Variants in SEMA5A observed in about 807,000 individuals in gnomAD.
SEMA5A encodes the protein semaphorin-5A.
SEMA5A carries 55 observed loss-of-function variants against 135.5 expected under a neutral mutation model. The observed-to-expected ratio is 0.41, with a 90% CI of 0.33 to 0.51. SEMA5A has a LOEUF of 0.51. Among genes scored for constraint, SEMA5A ranks in the 20% least tolerant of loss-of-function variants. SEMA5A has a pLI of 0.37. For synonymous variants in SEMA5A, 580 were observed against 546.5 expected, an observed-to-expected ratio of 1.06 and a Z score of -0.85; for missense variants, 1,290 against 1,419.9, an observed-to-expected ratio of 0.91 and a Z score of 1.47.
intron 2 of SEMA5A, among the ~76,000 whole-genome samples, chr5:9,383,739 A>G (rs1755713339): frequency 1.3e-5 from 2 of 152,240 alleles, no homozygotes; most frequent in African/African-American, 4.8e-5. Context: ...GAAGGGCATC[A>G]TCCAGACCTG....
chr5:9,381,963 TGTGTGTGTGTGTGTGTGTGCGCGCGC>T (rs1424124765), intron 2 of SEMA5A, among the ~76,000 whole-genome samples: 1 of 127,522 alleles, frequency 7.8e-6, no homozygotes, highest in Non-Finnish European at 1.7e-5. Flanking sequence ...TGTGTGTGTG[TGTGTGTGTGTGTGTGTGTGCGCGCGC>T]GCGCACATCA....
chr5:9,302,751 G>A (rs1228755559), intron 5 of SEMA5A, among the ~76,000 whole-genome samples: 5 of 152,122 alleles, frequency 3.3e-5, no homozygotes, highest in Non-Finnish European at 7.3e-5. Context: ...CTCTGCTGAC[G>A]GTGAGAAAGA....
At chr5:9,108,000 C>T in intron 16 of SEMA5A, 140 bp downstream of exon 16, 2 of 1,091,768 alleles carry the variant, frequency 1.8e-6, no homozygotes, top group Non-Finnish European at 2.6e-6. Flanking sequence ...TGCAGTGTAC[C>T]AAATTTGTGC....
intron 1 of SEMA5A, among the ~76,000 whole-genome samples, chr5:9,494,445 C>T (rs1272712678): frequency 2.6e-5 from 4 of 152,136 alleles, no homozygotes; most frequent in African/African-American, 4.8e-5. Flanking sequence ...AGAGTCTATT[C>T]AGGACACATA....
intron 2 of SEMA5A, among the ~76,000 whole-genome samples, chr5:9,383,191 G>T (rs1359560228): frequency 6.6e-6 from 1 of 152,222 alleles, no homozygotes; most frequent in African/African-American, 2.4e-5. Context: ...ACTGGTGTCT[G>T]CTTTAGAACT....
At chr5:9,123,133 A>G (rs3777254) in intron 13 of SEMA5A, among the ~76,000 whole-genome samples, 17,392 of 151,266 alleles carry the variant, frequency 0.11, 1,539 homozygotes, top group East Asian at 0.29. Context: ...GGGTGCCTGT[A>G]GTCCCAGCTA....
intron 1 of SEMA5A, among the ~76,000 whole-genome samples, chr5:9,532,425 CCA>C (rs1737499770): frequency 6.7e-6 from 1 of 149,860 alleles, no homozygotes; most frequent in Non-Finnish European, 1.5e-5. Context: ...GCCACCATGC[CCA>C]GTTAATTTTT....
At chr5:9,464,703 G>T (rs191772824) in intron 1 of SEMA5A, among the ~76,000 whole-genome samples, 4 of 151,848 alleles carry the variant, frequency 2.6e-5, no homozygotes, top group Admixed American at 2.6e-4. Context: ...TGGCATGGAA[G>T]CTTGTAGACC....
At chr5:9,405,118 T>A (rs1289671987) in intron 2 of SEMA5A, among the ~76,000 whole-genome samples, 1 of 152,236 alleles carries the variant, frequency 6.6e-6, no homozygotes, top group Non-Finnish European at 1.5e-5. Context: ...GAACGTTTTC[T>A]GAGACCGTGT....
intron 3 of SEMA5A, among the ~76,000 whole-genome samples, chr5:9,356,652 A>C (rs1267965136): frequency 6.6e-6 from 1 of 152,162 alleles, no homozygotes; most frequent in Non-Finnish European, 1.5e-5. Context: ...TTAGGCACTC[A>C]AGCCAGCATG....
chr5:9,044,644 A>G (rs1736151070), intron 21 of SEMA5A, 60 bp from the exon 22 acceptor site: 6 of 1,392,276 alleles, frequency 4.3e-6, no homozygotes, highest in Non-Finnish European at 3.1e-6. Flanking sequence ...CTAGCTACTC[A>G]AAGCACTAGG....
chr5:9,218,633 G>A (rs994344114), intron 8 of SEMA5A, among the ~76,000 whole-genome samples: 1 of 152,038 alleles, frequency 6.6e-6, no homozygotes, highest in African/African-American at 2.4e-5. Flanking sequence ...ACACAAAAAT[G>A]TTGCAAAAAA....
intron 11 of SEMA5A, among the ~76,000 whole-genome samples, chr5:9,158,906 A>G (rs1743099487): frequency 6.6e-6 from 1 of 152,130 alleles, no homozygotes; most frequent in Non-Finnish European, 1.5e-5. Flanking sequence ...AAGAGAAGGG[A>G]TGTTATATTC....
chr5:9,271,109 A>G (rs1206818729), intron 5 of SEMA5A, among the ~76,000 whole-genome samples: 3 of 152,028 alleles, frequency 2.0e-5, no homozygotes, highest in Non-Finnish European at 2.9e-5. Flanking sequence ...GATTTCCCCC[A>G]TGCTGTTCTC....
At chr5:9,486,200 C>T (rs1214564290) in intron 1 of SEMA5A, among the ~76,000 whole-genome samples, 1 of 152,178 alleles carries the variant, frequency 6.6e-6, no homozygotes, top group East Asian at 1.9e-4. Flanking sequence ...TGTTCTTACT[C>T]ATAAGTGGGA....
intron 16 of SEMA5A, among the ~76,000 whole-genome samples, chr5:9,069,652 A>G: frequency 6.6e-6 from 1 of 152,302 alleles, no homozygotes; most frequent in African/African-American, 2.4e-5. Flanking sequence ...TTTTAACAGA[A>G]AATATGTAAG....
intron 3 of SEMA5A, among the ~76,000 whole-genome samples, chr5:9,358,090 T>A (rs10213796): frequency 0.042 from 6,427 of 152,168 alleles, 437 homozygotes; most frequent in African/African-American, 0.15. Context: ...CCAGCTTCTA[T>A]AACACACTTT....
chr5:9,075,646 G>T (rs1285602035), intron 16 of SEMA5A, among the ~76,000 whole-genome samples: 2 of 152,054 alleles, frequency 1.3e-5, no homozygotes, highest in African/African-American at 4.8e-5. Context: ...AGCAATCAGT[G>T]CTTATCTGAG....
chr5:9,450,079 G>C (rs993299124), intron 1 of SEMA5A, among the ~76,000 whole-genome samples: 5 of 152,092 alleles, frequency 3.3e-5, no homozygotes, highest in Non-Finnish European at 7.4e-5. Flanking sequence ...ACATACCGAT[G>C]TCTCCCCTCT....
Sources: gnomAD v4.1 joint callset for allele counts (sites outside exome capture counted in the v4.1 genomes callset) on GRCh38, gnomAD v4.1.1 for gene constraint, MANE v1.5 for transcripts, NCBI Gene and HGNC (gene_info 2026-07-23, HGNC 2026-07-21) for gene names.